Variants in HDAC9 observed in about 807,000 individuals in gnomAD.
HDAC9 encodes histone deacetylase 9.
A neutral mutation model predicts 139.4 loss-of-function variants in HDAC9; 41 were observed. The ratio of observed to expected loss-of-function variants is 0.29; its 90% confidence interval spans 0.23 to 0.38. HDAC9 has a LOEUF of 0.38. Among genes scored for constraint, HDAC9 ranks in the 10% least tolerant of loss-of-function variants. HDAC9 has a pLI of 1.00. For synonymous variants in HDAC9, 517 were observed against 476.2 expected, an observed-to-expected ratio of 1.09 and a Z score of -1.12; for missense variants, 1,147 against 1,297.0, an observed-to-expected ratio of 0.88 and a Z score of 1.78.
chr7:18,830,465 C>A (rs960874119), intron 19 of HDAC9, among the ~76,000 whole-genome samples: 1 of 152,086 alleles, frequency 6.6e-6, no homozygotes, highest in Non-Finnish European at 1.5e-5. Context: ...TTTTGAAGTG[C>A]AAGCCTTAAT....
chr7:18,970,237 A>G (rs1183550424), intron 24 of HDAC9, among the ~76,000 whole-genome samples: 1 of 152,190 alleles, frequency 6.6e-6, no homozygotes, highest in Non-Finnish European at 1.5e-5. Context: ...ATAGAGCTAC[A>G]AAACTGATTA....
At chr7:18,671,081 C>G (rs953175510) in intron 12 of HDAC9, among the ~76,000 whole-genome samples, 1 of 151,960 alleles carries the variant, frequency 6.6e-6, no homozygotes, top group Admixed American at 6.6e-5. Flanking sequence ...TCCTTTACTT[C>G]TTAGCTTCAT....
intron 8 of HDAC9, among the ~76,000 whole-genome samples, chr7:18,640,979 A>G (rs576467744): frequency 2.0e-5 from 3 of 152,222 alleles, no homozygotes; most frequent in African/African-American, 7.2e-5. Context: ...TTTGGTTTAA[A>G]GTTCAGCAGA....
intron 2 of HDAC9, among the ~76,000 whole-genome samples, chr7:18,224,575 G>T (rs1792924767): frequency 6.6e-6 from 1 of 152,104 alleles, no homozygotes; most frequent in South Asian, 2.1e-4. Context: ...TAGGTTCTGG[G>T]AAGGGTTCAG....
At chr7:18,421,926 A>G (rs557183262) in intron 1 of HDAC9, among the ~76,000 whole-genome samples, 8 of 152,226 alleles carry the variant, frequency 5.3e-5, no homozygotes, top group African/African-American at 1.9e-4. Flanking sequence ...GGTGACTCCT[A>G]ATCTGGGTAT....
At chr7:18,211,173 G>A (rs538429717) in intron 2 of HDAC9, among the ~76,000 whole-genome samples, 2 of 152,260 alleles carry the variant, frequency 1.3e-5, no homozygotes, top group East Asian at 1.9e-4. Flanking sequence ...CTAATCAGCA[G>A]CATTTCACCC....
chr7:18,860,672 GA>G (rs71017005), intron 21 of HDAC9, among the ~76,000 whole-genome samples: 3 of 151,746 alleles, frequency 2.0e-5, no homozygotes, highest in African/African-American at 7.3e-5. Context: ...ATAAAGGAAA[GA>G]AAAAAAGGAA....
chr7:18,859,850 A>ATGTGTGTGTGTGTGTGTGTGTGTGTG (rs1157775071), intron 21 of HDAC9, among the ~76,000 whole-genome samples: 4 of 123,418 alleles, frequency 3.2e-5, no homozygotes, highest in African/African-American at 6.5e-5. Flanking sequence ...ATATATATAT[A>ATGTGTGTGTGTGTGTGTGTGTGTGTG]TATATATATG....
chr7:18,994,209 GA>G (rs1269066104), intron 25 of HDAC9, among the ~76,000 whole-genome samples: 1 of 152,100 alleles, frequency 6.6e-6, no homozygotes, highest in Non-Finnish European at 1.5e-5. Flanking sequence ...GGATTCGGGG[GA>G]AAAGATTATC....
chr7:18,799,395 A>C (rs1037197894), intron 17 of HDAC9, among the ~76,000 whole-genome samples: 15 of 152,234 alleles, frequency 9.9e-5, no homozygotes, highest in African/African-American at 3.6e-4. Context: ...AACAAGAAAG[A>C]ATGCCCCACA....
intron 1 of HDAC9, among the ~76,000 whole-genome samples, chr7:18,402,135 A>G (rs1031504347): frequency 1.1e-4 from 16 of 152,170 alleles, no homozygotes; most frequent in African/African-American, 3.4e-4. Flanking sequence ...GTTGACTTGG[A>G]GGGGGTGGAT....
chr7:18,448,596 T>A (rs1472363493), intron 1 of HDAC9, among the ~76,000 whole-genome samples: 3 of 152,180 alleles, frequency 2.0e-5, no homozygotes, highest in Admixed American at 6.5e-5. Context: ...ATAATTTTTT[T>A]ATTTAAATAT....
At chr7:18,129,853 T>C (rs1295288554) in intron 1 of HDAC9, among the ~76,000 whole-genome samples, 1 of 152,032 alleles carries the variant, frequency 6.6e-6, no homozygotes, top group Non-Finnish European at 1.5e-5. Context: ...AATGGCAAAG[T>C]GATATAAGTG....
chr7:18,943,148 A>G (rs1181734714), intron 23 of HDAC9, among the ~76,000 whole-genome samples: 1 of 152,022 alleles, frequency 6.6e-6, no homozygotes, highest in African/African-American at 2.4e-5. Flanking sequence ...CCTTCTTCAT[A>G]ACAATTGATA....
intron 1 of HDAC9, among the ~76,000 whole-genome samples, chr7:18,344,674 A>T (rs1450852137): frequency 6.6e-6 from 1 of 151,990 alleles, no homozygotes; most frequent in Non-Finnish European, 1.5e-5. Flanking sequence ...GCAGAAAAAA[A>T]TAGGAGTTAA....
intron 6 of HDAC9, among the ~76,000 whole-genome samples, chr7:18,604,607 G>A (rs570291811): frequency 2.5e-4 from 38 of 151,924 alleles, no homozygotes; most frequent in African/African-American, 8.9e-4. Context: ...CACCATGTTA[G>A]CCAGGATGGT....
intron 12 of HDAC9, among the ~76,000 whole-genome samples, chr7:18,706,160 C>CTTTTTTTTTTTTTTT (rs1165670432): frequency 1.2e-4 from 10 of 86,762 alleles, no homozygotes; most frequent in Non-Finnish European, 1.5e-4. Context: ...GAAAGTTTTC[C>CTTTTTTTTTTTTTTT]TTTTTTTTTT....
At chr7:18,100,156 C>T (rs77737521) in intron 1 of HDAC9, among the ~76,000 whole-genome samples, 4,356 of 151,734 alleles carry the variant, frequency 0.029, 207 homozygotes, top group African/African-American at 0.099. Context: ...TTATCATTTG[C>T]ATTTTTTTTT....
chr7:18,755,337 A>C (rs1231188048), intron 14 of HDAC9, among the ~76,000 whole-genome samples: 1 of 152,202 alleles, frequency 6.6e-6, no homozygotes, highest in Non-Finnish European at 1.5e-5. Flanking sequence ...GAAAACAACC[A>C]ACAAAAGGAA....
Sources: gnomAD v4.1 joint callset for allele counts (sites outside exome capture counted in the v4.1 genomes callset) on GRCh38, gnomAD v4.1.1 for gene constraint, MANE v1.5 for transcripts, NCBI Gene and HGNC (gene_info 2026-07-23, HGNC 2026-07-21) for gene names.